The following FFAR4 variants were observed in gnomAD, a reference collection of about 807,000 sequenced individuals.
The protein encoded by FFAR4 is G-protein coupled receptor 120.
Under a neutral mutation model 27.0 loss-of-function variants are expected in FFAR4, and 19 were observed. The ratio of observed to expected loss-of-function variants is 0.70; its 90% CI spans 0.49 to 1.03. The LOEUF (loss-of-function observed/expected upper bound fraction) is 1.03. Among genes scored for constraint, FFAR4 ranks in the 50% least tolerant of loss-of-function variants. The pLI, the probability that FFAR4 is intolerant of heterozygous loss-of-function variation, is 0.00. For missense variants in FFAR4, 476 were observed against 479.0 expected, an observed-to-expected ratio of 0.99 and a Z score of 0.06; for synonymous variants, 254 against 215.6, an observed-to-expected ratio of 1.18 and a Z score of -1.56.
chr10:93,567,363 G>T (rs1432252596), intron 1 of FFAR4, 76 bp downstream of exon 1: 11 of 1,318,138 alleles, frequency 8.3e-6, no homozygotes, highest in Non-Finnish European at 1.1e-5. Flanking sequence ...AAGCTGGGAT[G>T]AGGATGATCA....
At chr10:93,571,610 G>C (rs2058132029) in intron 1 of FFAR4, among the ~76,000 whole-genome samples, 1 of 152,220 alleles carries the variant, frequency 6.6e-6, no homozygotes, top group Admixed American at 6.5e-5. Context: ...GGCTAGTCAT[G>C]TGAACGTTCA....
chr10:93,569,760 TA>T (rs112928164), intron 1 of FFAR4, among the ~76,000 whole-genome samples: 15,611 of 140,110 alleles, frequency 0.11, 1,079 homozygotes, highest in East Asian at 0.34. Context: ...AGCTTGAAAT[TA>T]AAAAAAAAAA....
At chr10:93,579,762 C>T (rs1014384148) in intron 2 of FFAR4, among the ~76,000 whole-genome samples, 1 of 152,126 alleles carries the variant, frequency 6.6e-6, no homozygotes. Flanking sequence ...TCTACAGGGT[C>T]GTCTCTTCTT....
chr10:93,566,951 G>A lies in FFAR4; in HGVS notation c.231G>A (p.Leu77=). 6.2e-7 allele frequency: 1 copy of A among 1,610,986 alleles called. No homozygotes were observed. Among genetic ancestry groups the A allele is most frequent in the Non-Finnish European group, 8.5e-7 (1 of 1,179,510 alleles). Residue 77 remains leucine, a synonymous_variant, in exon 1 of 3, where the codon CTG becomes CTA. Coordinates refer to ENST00000371481, the MANE Select transcript of FFAR4 (RefSeq NM_001195755.2). Reference sequence around the variant, plus strand: ...GACGCCGCGGCGCGACTGCCTGCCTGGTACTCAACCTCTTCTGCGCGGACC... The same window carrying A: ...GACGCCGCGGCGCGACTGCCTGCCTAGTACTCAACCTCTTCTGCGCGGACC... ...RRRRRGATAC[L]VLNLFCADLL...
At chr10:93,579,249 TA>T in intron 2 of FFAR4, 2 of 1,520,326 alleles carry the variant, frequency 1.3e-6, no homozygotes, top group Non-Finnish European at 1.8e-6. Context: ...AGCAAATATG[TA>T]ATTTACATTC....
At chr10:93,587,192 G>T in intron 2 of FFAR4, 28 bp from the exon 3 acceptor site, 3 of 1,588,228 alleles carry the variant, frequency 1.9e-6, no homozygotes, top group Non-Finnish European at 2.6e-6. Flanking sequence ...GTCACCTGTG[G>T]CTCCAGTCCT....
intron 2 of FFAR4, 136 bp downstream of exon 2, chr10:93,576,355 A>G (rs1013190606): frequency 2.7e-5 from 22 of 813,438 alleles, no homozygotes; most frequent in Non-Finnish European, 4.1e-5. Context: ...CAGGTCTACA[A>G]CACTGAGGAA....
At chr10:93,569,188 C>T (rs1294953635) in intron 1 of FFAR4, among the ~76,000 whole-genome samples, 1 of 152,138 alleles carries the variant, frequency 6.6e-6, no homozygotes, top group Non-Finnish European at 1.5e-5. Context: ...TTCTTTCTTA[C>T]AGGAGAAAAT....
intron 2 of FFAR4, among the ~76,000 whole-genome samples, chr10:93,587,013 A>C (rs2058231240): frequency 6.6e-6 from 1 of 152,118 alleles, no homozygotes; most frequent in Non-Finnish European, 1.5e-5. Flanking sequence ...CGCTGTTTAG[A>C]AGGTAGGTGA....
At chr10:93,568,913 A>T (rs2058116006) in intron 1 of FFAR4, among the ~76,000 whole-genome samples, 2 of 152,268 alleles carry the variant, frequency 1.3e-5, no homozygotes, top group East Asian at 3.9e-4. Context: ...ATGTCCACTC[A>T]AGTGGGGCCC....
chr10:93,578,798 A>G (rs1052722772), intron 2 of FFAR4, among the ~76,000 whole-genome samples: 4 of 152,326 alleles, frequency 2.6e-5, no homozygotes, highest in Admixed American at 1.3e-4. Context: ...AGGATAAACA[A>G]CAGCCCAGAT....
intron 1 of FFAR4, among the ~76,000 whole-genome samples, chr10:93,574,194 GC>G (rs1455416927): frequency 1.3e-5 from 2 of 152,090 alleles, no homozygotes; most frequent in Non-Finnish European, 2.9e-5. Flanking sequence ...TTAGGGACCT[GC>G]TTTTTTCTTT....
At chr10:93,573,030 G>A (rs1459036624) in intron 1 of FFAR4, among the ~76,000 whole-genome samples, 1 of 152,138 alleles carries the variant, frequency 6.6e-6, no homozygotes, top group Non-Finnish European at 1.5e-5. Flanking sequence ...CTATGCCCCT[G>A]GCCGCGGTCC....
intron 2 of FFAR4, among the ~76,000 whole-genome samples, chr10:93,582,992 T>C (rs1009258108): frequency 1.3e-5 from 2 of 152,100 alleles, no homozygotes; most frequent in African/African-American, 2.4e-5. Flanking sequence ...ACTGCCCCCA[T>C]GATCCAAACA....
At chr10:93,568,678 T>C (rs2058114269) in intron 1 of FFAR4, among the ~76,000 whole-genome samples, 1 of 151,942 alleles carries the variant, frequency 6.6e-6, no homozygotes, top group African/African-American at 2.4e-5. Context: ...CCCAGACCAG[T>C]CTCTCACACA....
Position 93,574,768 on chromosome 10 carries a change from C to T in FFAR4, c.568-1323C>T, listed in dbSNP as rs140370050. Among the ~76,000 whole-genome samples the T allele has an allele frequency of 9.9e-3, 1,507 of 152,014 alleles. 25 individuals are homozygous for T. The highest frequency in any genetic ancestry group is 0.033 in the African/African-American group (1,374 of 41,498). On this transcript the variant is annotated intron_variant, in intron 1 of 2. Transcript: ENST00000371481. Reference sequence around the variant, plus strand: ...AATTAGCTGGTCATGGTGGCGTGCTCCTGTGGTCCCAGCTACTCGGGAGGC... The same window carrying T: ...AATTAGCTGGTCATGGTGGCGTGCTTCTGTGGTCCCAGCTACTCGGGAGGC...
At chr10:93,569,540 T>C (rs1245518963) in intron 1 of FFAR4, among the ~76,000 whole-genome samples, 1 of 152,054 alleles carries the variant, frequency 6.6e-6, no homozygotes, top group Admixed American at 6.6e-5. Context: ...TGCTGTAAGG[T>C]GCTTCCGTGG....
intron 2 of FFAR4, among the ~76,000 whole-genome samples, chr10:93,583,246 CAAAAAAA>C (rs56030960): frequency 1.4e-4 from 14 of 102,288 alleles, no homozygotes; most frequent in Non-Finnish European, 1.9e-4. Flanking sequence ...ACTAAAAATA[CAAAAAAA>C]AAAAAAAAAA....
chr10:93,567,501 T>C (rs1213532898), intron 1 of FFAR4, among the ~76,000 whole-genome samples: 2 of 152,106 alleles, frequency 1.3e-5, no homozygotes, highest in Non-Finnish European at 2.9e-5. Flanking sequence ...GTAAGTGGAG[T>C]CCCCCAAATT....
Sources: gnomAD v4.1 joint callset for allele counts (sites outside exome capture counted in the v4.1 genomes callset) on GRCh38, gnomAD v4.1.1 for gene constraint, MANE v1.5 for transcripts, NCBI Gene and HGNC (gene_info 2026-07-23, HGNC 2026-07-21) for gene names.